The following USP43 variants were observed in gnomAD, a reference collection of about 807,000 sequenced individuals.
USP43 encodes the protein ubiquitin specific peptidase 43.
USP43 carries 33 observed loss-of-function variants against 90.7 expected under a neutral mutation model. That is an observed-to-expected ratio of 0.36 (90% CI 0.28 to 0.49). The LOEUF is 0.49. USP43 is among the 20% of genes least tolerant of loss of function. The probability of loss-of-function intolerance (pLI) is 0.98; values close to 1 mark genes in which losing one functional copy is unlikely to be tolerated. For missense variants in USP43, 1,274 were observed against 1,476.4 expected, an observed-to-expected ratio of 0.86 and a Z score of 2.25; for synonymous variants, 598 against 615.8, an observed-to-expected ratio of 0.97 and a Z score of 0.43.
chr17:9,670,585 G>A (rs970864215), intron 3 of USP43, among the ~76,000 whole-genome samples: 2 of 152,124 alleles, frequency 1.3e-5, no homozygotes, highest in African/African-American at 4.8e-5. Context: ...GAGGAACTAA[G>A]GGAGAGGTGA....
At chr17:9,682,430 C>T (rs368623958) in intron 6 of USP43, among the ~76,000 whole-genome samples, 37 of 152,120 alleles carry the variant, frequency 2.4e-4, no homozygotes, top group African/African-American at 7.5e-4. Context: ...ATTAGCTGGG[C>T]GTGGTGGTGC....
chr17:9,716,488 G>A (rs1916578729), intron 14 of USP43, among the ~76,000 whole-genome samples: 2 of 152,116 alleles, frequency 1.3e-5, no homozygotes, highest in African/African-American at 2.4e-5. Flanking sequence ...GAGATACATA[G>A]TTCTCTGCAC....
intron 14 of USP43, among the ~76,000 whole-genome samples, chr17:9,720,549 C>A (rs909636223): frequency 2.0e-5 from 3 of 151,596 alleles, no homozygotes; most frequent in Non-Finnish European, 2.9e-5. Context: ...AGTGCAGTGG[C>A]GCAATCTCTG....
chr17:9,698,851 T>C (rs1311829037), intron 9 of USP43, among the ~76,000 whole-genome samples: 1 of 152,218 alleles, frequency 6.6e-6, no homozygotes, highest in Non-Finnish European at 1.5e-5. Context: ...GGATGCAGCT[T>C]AGATGTGAGT....
At position 9,703,133 on chromosome 17, in the gene USP43, C is replaced by T. The variant is rs368735892; in HGVS notation, c.2011+1433C>T. The stretch of plus-strand genomic sequence containing the variant: ...GGCCGAAAATAGCTCAGCAGGAATC[C>T]CTTGAGGCCCATATATATATTGGGA... On this transcript the variant is annotated intron_variant, in intron 12 of 14. Transcript: ENST00000285199. Among the ~76,000 whole-genome samples, 57 of 152,284 alleles carry T rather than the reference C, an allele frequency of 3.7e-4. 3 individuals carry two copies. In the South Asian group the frequency reaches 7.9e-3, roughly 21 times the overall value.
intron 14 of USP43, among the ~76,000 whole-genome samples, chr17:9,725,422 C>T (rs1244084556): frequency 6.6e-6 from 1 of 152,038 alleles, no homozygotes; most frequent in Non-Finnish European, 1.5e-5. Flanking sequence ...CCCATCTCCC[C>T]GGGGGAGGGG....
At chr17:9,672,235 G>C (rs1913484896) in intron 3 of USP43, among the ~76,000 whole-genome samples, 1 of 152,138 alleles carries the variant, frequency 6.6e-6, no homozygotes, top group Admixed American at 6.6e-5. Context: ...GACCTCAGGT[G>C]ATTGCCCACC....
At chr17:9,657,519 A>T (rs1257512592) in intron 2 of USP43, among the ~76,000 whole-genome samples, 1 of 152,062 alleles carries the variant, frequency 6.6e-6, no homozygotes, top group East Asian at 1.9e-4. Flanking sequence ...AGAAAAGAAA[A>T]AAAAGGAGAC....
rs141633757 is a variant in USP43 at position 9,682,551 on chromosome 17, G to T, written c.1106-272G>T. Among the ~76,000 whole-genome samples the T allele has an allele frequency of 4.3e-4, 66 of 152,290 alleles. No individual in the cohort carries two copies. In the East Asian group the frequency reaches 8.9e-3, roughly 20 times the overall value. ...TGCCACTGTACTCCATCCAGCCTGG[G>T]GGACAGAGCGAGACTCTGTCTTAAA... On this transcript the variant is annotated intron_variant, in intron 6 of 14. Transcript: ENST00000285199.
rs770796883 is a variant in USP43 at position 9,728,074 on chromosome 17, T to G, written c.2456T>G (p.Phe819Cys). 7.4e-6 allele frequency: 12 copies of G among 1,613,688 alleles called. No homozygotes were observed. In the South Asian group the frequency reaches 1.3e-4, roughly 18 times the overall value. ...PFKTMPLRWSFGSKEKPPGAS... is the reference protein window; with the variant it reads ...PFKTMPLRWSCGSKEKPPGAS... Reference sequence around the variant, plus strand: ...AAGACCATGCCTCTGCGGTGGTCCTTTGGATCCAAGGAGAAACCACCAGGT... The same window carrying G: ...AAGACCATGCCTCTGCGGTGGTCCTGTGGATCCAAGGAGAAACCACCAGGT... Residue 819 changes from phenylalanine (F) to cysteine (C), a missense_variant, in exon 15 of 15, where the codon TTT becomes TGT. Coordinates refer to ENST00000285199, the MANE Select transcript of USP43 (RefSeq NM_153210.5). The surrounding 1 kb of genome is among the most constrained non-coding windows in gnomAD (Gnocchi z 6.2).
intron 1 of USP43, among the ~76,000 whole-genome samples, chr17:9,647,286 C>T (rs1435214686): frequency 6.6e-6 from 1 of 152,076 alleles, no homozygotes; most frequent in Non-Finnish European, 1.5e-5. Context: ...TTCCTCCCTC[C>T]TGCCTCCATT....
intron 12 of USP43, among the ~76,000 whole-genome samples, chr17:9,705,127 C>T (rs1249409295): frequency 6.6e-6 from 1 of 152,020 alleles, no homozygotes; most frequent in Non-Finnish European, 1.5e-5. Flanking sequence ...TTCTAGGTAA[C>T]CATTTTTAGT....
intron 14 of USP43, among the ~76,000 whole-genome samples, chr17:9,724,174 G>T (rs1917127882): frequency 6.6e-6 from 1 of 152,108 alleles, no homozygotes; most frequent in Non-Finnish European, 1.5e-5. Context: ...TGGCTCCCAG[G>T]GGCTGGTGGT....
intron 2 of USP43, among the ~76,000 whole-genome samples, chr17:9,663,888 G>A (rs550072385): frequency 5.3e-5 from 8 of 152,326 alleles, no homozygotes; most frequent in African/African-American, 1.9e-4. Context: ...GCCTCCAAAA[G>A]TGCTGGGATT....
chr17:9,654,957 C>T (rs561533040), intron 1 of USP43, among the ~76,000 whole-genome samples: 5 of 151,790 alleles, frequency 3.3e-5, no homozygotes, highest in South Asian at 2.1e-4. Context: ...TGGCTGGTGT[C>T]GAACTCCTGA....
chr17:9,704,564 T>G (rs949920483), intron 12 of USP43, among the ~76,000 whole-genome samples: 1 of 152,144 alleles, frequency 6.6e-6, no homozygotes, highest in Non-Finnish European at 1.5e-5. Context: ...TGATCTGCCT[T>G]CCTCGGCCTC....
chr17:9,662,104 C>G (rs1428129396), intron 2 of USP43, among the ~76,000 whole-genome samples: 2 of 152,170 alleles, frequency 1.3e-5, no homozygotes, highest in Non-Finnish European at 2.9e-5. Flanking sequence ...TCTTTGGCCA[C>G]TCTGTTCATG....
At chr17:9,679,957 AG>A (rs1375730802) in intron 5 of USP43, among the ~76,000 whole-genome samples, 1 of 151,660 alleles carries the variant, frequency 6.6e-6, no homozygotes, top group South Asian at 2.1e-4. Context: ...TCACATGAAG[AG>A]GGCTTTATTT....
At chr17:9,690,837 A>T (rs1597856688) in intron 8 of USP43, among the ~76,000 whole-genome samples, 1 of 152,106 alleles carries the variant, frequency 6.6e-6, no homozygotes, top group African/African-American at 2.4e-5. Flanking sequence ...GTGAGCCGAG[A>T]TCGCACCACT....
Sources: gnomAD v4.1 joint callset for allele counts (sites outside exome capture counted in the v4.1 genomes callset) on GRCh38, gnomAD v4.1.1 for gene constraint, Gnocchi (gnomAD v3.1) non-coding constraint, MANE v1.5 for transcripts, NCBI Gene and HGNC (gene_info 2026-07-23, HGNC 2026-07-21) for gene names.